Variants in TPTE2 observed in about 807,000 individuals in gnomAD.
TPTE2 encodes the protein transmembrane phosphoinositide 3-phosphatase and tensin homolog 2, also known as phosphatidylinositol 3,4,5-trisphosphate 3-phosphatase TPTE2.
Under a neutral mutation model 78.6 loss-of-function variants are expected in TPTE2, and 53 were observed. The ratio of observed to expected loss-of-function variants is 0.67; its 90% CI spans 0.54 to 0.85. TPTE2 has a LOEUF of 0.85. TPTE2 is among the 40% of genes least tolerant of loss of function. The probability of loss-of-function intolerance (pLI) is 0.00; values close to 1 mark genes in which losing one functional copy is unlikely to be tolerated. For missense variants in TPTE2, 461 were observed against 623.0 expected (o/e 0.74, Z 2.77); for synonymous variants, 175 against 206.2 (o/e 0.85, Z 1.30).
chr13:19,523,447 C>G (rs1566076540), intron 1 of TPTE2, among the ~76,000 whole-genome samples: 1 of 152,086 alleles, frequency 6.6e-6, no homozygotes, highest in Non-Finnish European at 1.5e-5. Flanking sequence ...TTTTTAGTGA[C>G]ATCACTTCCA....
intron 1 of TPTE2, among the ~76,000 whole-genome samples, chr13:19,497,760 A>AGT: frequency 6.6e-6 from 1 of 151,714 alleles, no homozygotes. Flanking sequence ...CCTCCAAAGG[A>AGT]ACGCAGTTCC....
chr13:19,491,301 A>G (rs978500168), intron 3 of TPTE2, among the ~76,000 whole-genome samples: 8 of 152,186 alleles, frequency 5.3e-5, no homozygotes, highest in South Asian at 4.1e-4. Context: ...AGGTACATAG[A>G]CATATAATGA....
At chr13:19,515,759 A>T (rs1219371634) in intron 1 of TPTE2, among the ~76,000 whole-genome samples, 1 of 152,244 alleles carries the variant, frequency 6.6e-6, no homozygotes, top group Non-Finnish European at 1.5e-5. Flanking sequence ...CCAAAAAGGT[A>T]AGAATTTGAG....
Position 19,479,885 on chromosome 13 carries a change from C to A in TPTE2, c.179+2603G>T, listed in dbSNP as rs1272213819. Among the ~76,000 whole-genome samples, 5 of 151,692 alleles carry A rather than the reference C, an allele frequency of 3.3e-5. No homozygotes were observed. In the East Asian group the frequency reaches 9.7e-4, roughly 29 times the overall value. Reference sequence around the variant, plus strand: ...GGCTGAGGCAGGAGAATCGCTTGAACCTGGGAGGCCAAGGTTGCAGTGAGC... The same window carrying A: ...GGCTGAGGCAGGAGAATCGCTTGAAACTGGGAGGCCAAGGTTGCAGTGAGC... On this transcript the variant is annotated intron_variant, in intron 4 of 19. Transcript: ENST00000400230.
intron 9 of TPTE2, among the ~76,000 whole-genome samples, chr13:19,464,784 T>TC (rs1283683725): frequency 6.6e-6 from 1 of 152,170 alleles, no homozygotes; most frequent in African/African-American, 2.4e-5. Context: ...AGTCTGAAGT[T>TC]CCCCCTGTTC....
intron 1 of TPTE2, among the ~76,000 whole-genome samples, chr13:19,534,070 T>C (rs1042698332): frequency 6.6e-6 from 1 of 152,226 alleles, no homozygotes; most frequent in Non-Finnish European, 1.5e-5. Flanking sequence ...GAAAATATTG[T>C]AAGTCAAGTG....
upstream of TPTE2, among the ~76,000 whole-genome samples, chr13:19,541,372 C>T (rs1871432573): frequency 6.6e-6 from 1 of 152,200 alleles, no homozygotes; most frequent in African/African-American, 2.4e-5. Flanking sequence ...TCTCAGGTCT[C>T]ATCCACACTC....
chr13:19,492,854 T>A lies in TPTE2; in HGVS notation c.115A>T (p.Lys39Ter), dbSNP rs78472618. ...CTTCATGTATTTATAACTCACCTTTTACTGATAGGTGACACCAGGGCTGCT... is the reference window on the plus strand; with the variant it reads ...CTTCATGTATTTATAACTCACCTTTAACTGATAGGTGACACCAGGGCTGCT... The change falls in exon 3 of 20, where the codon AAA becomes TAA. Residue 39 changes from lysine (K) to a stop codon, truncating the protein, a stop_gained. Transcript: ENST00000400230. LOFTEE classifies it high-confidence loss of function. 1 of 1,251,916 alleles carries A rather than the reference T, an allele frequency of 8.0e-7. No individual in the cohort carries two copies. The allele number at this position is 1,251,916 out of a possible 1,614,324, so 77.6% of individuals were successfully genotyped here.
upstream of TPTE2, among the ~76,000 whole-genome samples, chr13:19,508,053 A>G (rs928000316): frequency 6.6e-6 from 1 of 152,138 alleles, no homozygotes; most frequent in African/African-American, 2.4e-5. Context: ...ACCCTGGGGC[A>G]CATCACTTCT....
intron 3 of TPTE2, among the ~76,000 whole-genome samples, chr13:19,484,235 C>T (rs1349915742): frequency 2.0e-5 from 3 of 152,116 alleles, no homozygotes; most frequent in Admixed American, 1.3e-4. Context: ...AACTCAAGGG[C>T]ATGTTGTTTA....
At chr13:19,451,085 T>C in intron 11 of TPTE2, 80 bp downstream of exon 14, 1 of 1,537,784 alleles carries the variant, frequency 6.5e-7, no homozygotes, top group Non-Finnish European at 8.9e-7. Flanking sequence ...TTAAATGCAA[T>C]CTAAAAAGCA....
At chr13:19,452,392 A>G (rs1878239305) in intron 10 of TPTE2, among the ~76,000 whole-genome samples, 1 of 152,162 alleles carries the variant, frequency 6.6e-6, no homozygotes, top group Non-Finnish European at 1.5e-5. Context: ...AATGCTATTA[A>G]TGAATAACAG....
upstream of TPTE2, among the ~76,000 whole-genome samples, chr13:19,507,321 A>AAG (rs1555255253): frequency 6.6e-6 from 1 of 151,652 alleles, no homozygotes; most frequent in Non-Finnish European, 1.5e-5. Context: ...AAAAAAAAAA[A>AAG]AAAACACATG....
chr13:19,454,888 TCA>T (rs774968966), intron 10 of TPTE2, among the ~76,000 whole-genome samples: 42 of 152,164 alleles, frequency 2.8e-4, no homozygotes, highest in Non-Finnish European at 5.7e-4. Context: ...TATAATTAAC[TCA>T]CAGTCATTAA....
intron 15 of TPTE2, among the ~76,000 whole-genome samples, chr13:19,434,434 G>C (rs1687991028): frequency 1.3e-5 from 2 of 152,214 alleles, no homozygotes; most frequent in Non-Finnish European, 2.9e-5. Context: ...AAAAGTCAAA[G>C]TGTGGCTCTT....
At chr13:19,543,568 C>T in the TPTE2 span, among the ~76,000 whole-genome samples, 1 of 151,800 alleles carries the variant, frequency 6.6e-6, no homozygotes, top group East Asian at 1.9e-4. Flanking sequence ...GTTGGTCAGG[C>T]TGGTCTCGAA....
At chr13:19,552,449 C>G in the TPTE2 span, 1 of 424,352 alleles carries the variant, frequency 2.4e-6, no homozygotes, top group East Asian at 3.5e-5. Flanking sequence ...TCTTTTAGGA[C>G]ACCATGGAGA....
intron 13 of TPTE2, among the ~76,000 whole-genome samples, chr13:19,438,869 A>G (rs1453882833): frequency 1.2e-4 from 19 of 152,200 alleles, no homozygotes; most frequent in South Asian, 4.1e-4. Flanking sequence ...TCGACTGATA[A>G]AAGTGAGTGA....
At chr13:19,514,592 A>ATTGTGTGTGTGT (rs1869666395) in intron 1 of TPTE2, among the ~76,000 whole-genome samples, 3 of 126,710 alleles carry the variant, frequency 2.4e-5, no homozygotes, top group African/African-American at 8.1e-5. Flanking sequence ...TACTTCTGAG[A>ATTGTGTGTGTGT]GTGTGTGTGT....
Sources: allele counts gnomAD v4.1 joint callset (sites outside exome capture counted in the v4.1 genomes callset), GRCh38; gene constraint gnomAD v4.1.1; transcripts MANE v1.5; gene names NCBI Gene and HGNC (gene_info 2026-07-23, HGNC 2026-07-21).